The following FGD5 variants were observed in gnomAD, a reference collection of about 807,000 sequenced individuals.
FGD5 encodes FYVE, RhoGEF and PH domain-containing protein 5.
A neutral mutation model predicts 133.4 loss-of-function variants in FGD5; 28 were observed. The ratio of observed to expected loss-of-function variants is 0.21; its 90% CI spans 0.16 to 0.29. The LOEUF (loss-of-function observed/expected upper bound fraction) is 0.29, where lower values mean the gene tolerates loss of function less well. Ranked by LOEUF, FGD5 falls within the 10% of genes least tolerant of loss-of-function variation. The pLI is 1.00. For missense variants in FGD5, 1,858 were observed against 1,895.2 expected, an observed-to-expected ratio of 0.98 and a Z score of 0.36; for synonymous variants, 810 against 776.5, an observed-to-expected ratio of 1.04 and a Z score of -0.72.
chr3:14,851,041 C>T (rs759542776), intron 1 of FGD5, among the ~76,000 whole-genome samples: 1 of 152,128 alleles, frequency 6.6e-6, no homozygotes, highest in East Asian at 1.9e-4. Flanking sequence ...AGTTCTAGTT[C>T]TCTTATTTTA....
chr3:14,843,390 T>G (rs1042400124), intron 1 of FGD5, among the ~76,000 whole-genome samples: 2 of 152,188 alleles, frequency 1.3e-5, no homozygotes, highest in Non-Finnish European at 2.9e-5. Context: ...ATGCCCTTGC[T>G]GCCATGGTCT....
chr3:14,931,675 A>G (rs1377561857), intron 18 of FGD5: 1 of 152,254 alleles, frequency 6.6e-6, no homozygotes, highest in African/African-American at 2.4e-5. Flanking sequence ...ACTGAGCACT[A>G]TGTGTGTAAG....
In FGD5 at chr3:14,922,861, G is replaced by T. The variant is rs145746396; in HGVS notation, c.3808-185G>T. ...GCGGGCTCATCAGAAAAGCAGATAG[G>T]CGCTGGCTCAGAAACAAGATGAAGC... On this transcript the variant is annotated intron_variant, in intron 15 of 19. Coordinates refer to ENST00000285046, the MANE Select transcript of FGD5 (RefSeq NM_152536.4). The surrounding 1 kb of genome is among the most constrained non-coding windows in gnomAD (Gnocchi z 4.1). Among the ~76,000 whole-genome samples, 1 of 152,230 alleles carries T rather than the reference G, an allele frequency of 6.6e-6. No homozygotes were observed. The highest frequency in any genetic ancestry group is 1.9e-4 in the East Asian group (1 of 5,176).
In FGD5 at chr3:14,924,145, C is replaced by T. The variant is rs763336408; in HGVS notation, c.4068+7C>T. ...CCCTTCAGCCCTGACAGAGGTAAAGCAGGCAGGGCTACCCAAGTGGGAAGT... is the reference window on the plus strand; with the variant it reads ...CCCTTCAGCCCTGACAGAGGTAAAGTAGGCAGGGCTACCCAAGTGGGAAGT... On this transcript the variant is annotated splice_region_variant and intron_variant, in intron 17 of 19. Coordinates refer to ENST00000285046, the MANE Select transcript of FGD5 (RefSeq NM_152536.4). 1 of 1,613,952 alleles carries T rather than the reference C, an allele frequency of 6.2e-7. No homozygotes were observed. Among genetic ancestry groups the T allele is most frequent in the Non-Finnish European group, 8.5e-7 (1 of 1,179,866 alleles).
intron 11 of FGD5, among the ~76,000 whole-genome samples, chr3:14,911,758 A>G (rs1402835907): frequency 6.8e-6 from 1 of 147,676 alleles, no homozygotes; most frequent in Non-Finnish European, 1.5e-5. Flanking sequence ...GTAAATGCAG[A>G]GTTATGAGCG....
chr3:14,820,816 ATC>A lies in FGD5; in HGVS notation c.1753_1754del (p.Leu585ValfsTer69). On this transcript the variant is annotated frameshift_variant, in exon 1 of 20. Coordinates refer to ENST00000285046, the MANE Select transcript of FGD5 (RefSeq NM_152536.4). LOFTEE classifies it high-confidence loss of function. Reference sequence around the variant, plus strand: ...CACAGGATAAAGAGGAAAGAGGACAATCTCTCTCTGTCGTGTGTAATTGGCTC... The same window carrying A: ...CACAGGATAAAGAGGAAAGAGGACAATCTCTCTGTCGTGTGTAATTGGCTC... 6.2e-7 allele frequency: 1 copy of A among 1,613,774 alleles called. No individual in the cohort carries two copies. The highest frequency in any genetic ancestry group is 8.5e-7 in the Non-Finnish European group (1 of 1,179,828).
chr3:14,890,560 C>T (rs1253923163), intron 4 of FGD5, among the ~76,000 whole-genome samples: 1 of 152,198 alleles, frequency 6.6e-6, no homozygotes. Context: ...GTTGATGAGA[C>T]AGCAGAACCC....
At chr3:14,879,784 G>T (rs1379981129) in intron 2 of FGD5, among the ~76,000 whole-genome samples, 2 of 152,242 alleles carry the variant, frequency 1.3e-5, no homozygotes, top group Non-Finnish European at 2.9e-5. Context: ...GCTTCTTGGA[G>T]GAGGTGCTGC....
intron 5 of FGD5, 113 bp from the exon 6 acceptor site, chr3:14,897,826 A>G: frequency 6.7e-7 from 1 of 1,489,352 alleles, no homozygotes; most frequent in Non-Finnish European, 9.0e-7. Context: ...ACAACTGTGC[A>G]AGGGTTGAGC....
At chr3:14,844,236 A>G (rs1180296473) in intron 1 of FGD5, among the ~76,000 whole-genome samples, 2 of 36,898 alleles carry the variant, frequency 5.4e-5, no homozygotes, top group Non-Finnish European at 1.0e-4. Context: ...ATATATATAT[A>G]TATATATATA....
chr3:14,844,213 AAAAAAT>A (rs1270160833), intron 1 of FGD5, among the ~76,000 whole-genome samples: 10 of 32,646 alleles, frequency 3.1e-4, no homozygotes, highest in Admixed American at 8.9e-4. Context: ...TTAAAAAAAA[AAAAAAT>A]ATATATATAT....
chr3:14,891,288 C>A (rs2038022002), intron 4 of FGD5, among the ~76,000 whole-genome samples: 1 of 152,194 alleles, frequency 6.6e-6, no homozygotes, highest in Admixed American at 6.5e-5. Context: ...TGGCAGAAGT[C>A]AGAATTACCC....
At chr3:14,902,154 C>T (rs765361880) in intron 9 of FGD5, among the ~76,000 whole-genome samples, 22 of 151,988 alleles carry the variant, frequency 1.4e-4, no homozygotes, top group Non-Finnish European at 2.8e-4. Flanking sequence ...TGGTGGCACA[C>T]ACCTTTAGTC....
chr3:14,926,759 T>A (rs771577287), intron 18 of FGD5, among the ~76,000 whole-genome samples: 22 of 152,192 alleles, frequency 1.4e-4, no homozygotes, highest in Non-Finnish European at 2.8e-4. Flanking sequence ...GGGTGCTGTC[T>A]GGCCCTGACC....
intron 17 of FGD5, 118 bp downstream of exon 17, chr3:14,924,256 A>C: frequency 1.4e-6 from 2 of 1,477,486 alleles, no homozygotes; most frequent in Non-Finnish European, 1.8e-6. Context: ...TTCCAGACAG[A>C]GCATTCCTAA....
chr3:14,819,347 C>T lies in FGD5; in HGVS notation c.276C>T (p.Pro92=), dbSNP rs753882907. The T allele has an allele frequency of 1.4e-5, 21 of 1,546,374 alleles. No homozygotes were observed. In the Admixed American group the frequency reaches 1.4e-4, roughly 10 times the overall value. ...GSVGNKALVS[P]ESSAEEEEER... is the part of the protein sequence containing the mutation. ...TGGGGAACAAAGCCCTGGTGTCTCC[C>T]GAGTCCTCTGCGGAAGAGGAAGAGG... is the stretch of plus-strand genomic sequence containing the variant. The change falls in exon 1 of 20, where the codon CCC becomes CCT. Residue 92 remains proline, a synonymous_variant. Coordinates refer to ENST00000285046, the MANE Select transcript of FGD5 (RefSeq NM_152536.4). The surrounding 1 kb of genome is among the most constrained non-coding windows in gnomAD (Gnocchi z 4.1).
chr3:14,861,276 G>T (rs548893285), intron 1 of FGD5, among the ~76,000 whole-genome samples: 1 of 152,276 alleles, frequency 6.6e-6, no homozygotes, highest in East Asian at 1.9e-4. Context: ...TATTCTGAAT[G>T]TCTGATGTTA....
intron 2 of FGD5, among the ~76,000 whole-genome samples, chr3:14,871,528 A>G (rs922513472): frequency 3.9e-5 from 6 of 152,204 alleles, no homozygotes; most frequent in African/African-American, 1.2e-4. Flanking sequence ...ATAGCCATGC[A>G]GAGAGTGCTG....
At chr3:14,903,754 A>C (rs921018238) in intron 9 of FGD5, among the ~76,000 whole-genome samples, 2 of 152,096 alleles carry the variant, frequency 1.3e-5, no homozygotes, top group African/African-American at 4.8e-5. Flanking sequence ...TAACACACAA[A>C]TATTGGTACA....
Sources: allele counts gnomAD v4.1 joint callset (sites outside exome capture counted in the v4.1 genomes callset), GRCh38; gene constraint gnomAD v4.1.1; non-coding constraint Gnocchi (gnomAD v3.1); transcripts MANE v1.5; gene names NCBI Gene and HGNC (gene_info 2026-07-23, HGNC 2026-07-21).